The following RALY variants were observed in gnomAD, a reference collection of about 807,000 sequenced individuals.
RALY encodes RNA-binding protein Raly.
In RALY, 15 loss-of-function variants were observed where a neutral mutation model predicts 30.7. That is an observed-to-expected ratio of 0.49 (90% CI 0.33 to 0.75). RALY has a LOEUF of 0.75. Ranked by LOEUF, RALY falls within the 30% of genes least tolerant of loss-of-function variation. The probability of loss-of-function intolerance (pLI) is 0.02; values close to 1 mark genes in which losing one functional copy is unlikely to be tolerated. For missense variants in RALY, 339 were observed against 414.3 expected (o/e 0.82, Z 1.58); for synonymous variants, 177 against 170.8 (o/e 1.04, Z -0.28).
chr20:34,063,823 T>A (rs2033488369), intron 2 of RALY, among the ~76,000 whole-genome samples: 1 of 152,104 alleles, frequency 6.6e-6, no homozygotes, highest in Non-Finnish European at 1.5e-5. Flanking sequence ...GGAATTCCTC[T>A]TAAACACTCT....
intron 1 of RALY, among the ~76,000 whole-genome samples, chr20:34,009,542 C>T (rs774919906): frequency 7.9e-5 from 12 of 151,970 alleles, no homozygotes; most frequent in Non-Finnish European, 1.6e-4. Context: ...CAGCCTCTAC[C>T]AGGGTTGTTA....
chr20:34,053,284 A>G (rs2123182402), intron 2 of RALY, among the ~76,000 whole-genome samples: 1 of 152,102 alleles, frequency 6.6e-6, no homozygotes, highest in South Asian at 2.1e-4. Flanking sequence ...TAAGGTTCAG[A>G]AAAGAGATGG....
At chr20:34,078,661 T>C (rs1379440654) in intron 9 of RALY, 108 bp downstream of exon 9, 1 of 1,027,404 alleles carries the variant, frequency 9.7e-7, no homozygotes, top group Non-Finnish European at 1.3e-6. Context: ...CCTGGCCAAG[T>C]AGCACTGACT....
intron 2 of RALY, among the ~76,000 whole-genome samples, chr20:34,050,799 G>A (rs1168181344): frequency 6.6e-6 from 1 of 152,136 alleles, no homozygotes; most frequent in Non-Finnish European, 1.5e-5. Context: ...ATGGTGAGGA[G>A]TCTAGCCCCA....
chr20:34,068,324 T>C (rs1197020636), intron 2 of RALY, among the ~76,000 whole-genome samples: 3 of 152,146 alleles, frequency 2.0e-5, no homozygotes. Flanking sequence ...CACTCTAAGC[T>C]AGGGGGTACC....
rs909372067 is a variant in RALY, at chr20:34,025,853, C to T, written c.-92-5669C>T. 8.0e-5 allele frequency among the ~76,000 whole-genome samples: 12 copies of T among 150,628 alleles called. No individual in the cohort carries two copies. The East Asian group carries it at 9.8e-4, about 12-fold the overall frequency. The stretch of plus-strand genomic sequence containing the variant: ...CTTCCCATAATTTTCACTCTTCATT[C>T]ACTTCCTGGCTCCTTTCCCTAGCTT... On this transcript the variant is annotated intron_variant, in intron 1 of 9. Coordinates refer to ENST00000246194, the MANE Select transcript of RALY (RefSeq NM_016732.3).
intron 2 of RALY, among the ~76,000 whole-genome samples, chr20:34,052,404 A>G (rs940377421): frequency 1.3e-5 from 2 of 152,170 alleles, no homozygotes; most frequent in African/African-American, 4.8e-5. Context: ...TCTCTAACCA[A>G]GGTCTACAGC....
intron 1 of RALY, among the ~76,000 whole-genome samples, chr20:33,998,123 A>G (rs1196399942): frequency 6.6e-6 from 1 of 152,232 alleles, no homozygotes; most frequent in Non-Finnish European, 1.5e-5. Flanking sequence ...TGAAGAATTA[A>G]TGAGCCTCTG....
chr20:33,994,914 C>T (rs994454350), intron 1 of RALY, among the ~76,000 whole-genome samples: 8 of 152,174 alleles, frequency 5.3e-5, no homozygotes, highest in Non-Finnish European at 1.0e-4. Flanking sequence ...CTGGTTTATC[C>T]TCATTTACAA....
At chr20:33,999,696 A>G (rs1002174503) in intron 1 of RALY, among the ~76,000 whole-genome samples, 1 of 152,190 alleles carries the variant, frequency 6.6e-6, no homozygotes, top group Non-Finnish European at 1.5e-5. Context: ...CTCATGATCC[A>G]GAAGGGCAGA....
intron 2 of RALY, among the ~76,000 whole-genome samples, chr20:34,033,473 G>A (rs1191877503): frequency 1.3e-5 from 2 of 152,144 alleles, no homozygotes; most frequent in African/African-American, 4.8e-5. Flanking sequence ...CACCCAGTGA[G>A]GGCCTTAGGC....
chr20:34,080,228 A>T lies in RALY; in HGVS notation c.*323A>T, dbSNP rs1601521543. 2 of 152,526 alleles carry T rather than the reference A, an allele frequency of 1.3e-5. No homozygotes were observed. The highest frequency in any genetic ancestry group is 2.9e-5 in the Non-Finnish European group (2 of 68,220). 9.4% of individuals were successfully genotyped at this position (152,526 alleles called of 1,614,324 possible). A position where few individuals can be genotyped will look rare whatever the true frequency, so the allele number is the denominator to read the frequency against. ...ATAGGTTTGGCGGGGGGCCACAGGG[A>T]GGGGACCCTGACAATAAAGAGATTG... On this transcript the variant is annotated 3_prime_UTR_variant, in exon 10 of 10. Transcript: ENST00000246194.
At chr20:34,068,079 A>G (rs926295108) in intron 2 of RALY, among the ~76,000 whole-genome samples, 2 of 152,090 alleles carry the variant, frequency 1.3e-5, no homozygotes, top group Non-Finnish European at 2.9e-5. Flanking sequence ...CTCATCTGAC[A>G]TTGCAGAAGT....
intron 1 of RALY, among the ~76,000 whole-genome samples, chr20:34,006,901 T>TA (rs2031184576): frequency 6.6e-6 from 1 of 152,230 alleles, no homozygotes; most frequent in Non-Finnish European, 1.5e-5. Flanking sequence ...TGAGTGTAGT[T>TA]ATCCCCCCCA....
At chr20:34,041,785 C>T (rs2032710640) in intron 2 of RALY, among the ~76,000 whole-genome samples, 1 of 152,084 alleles carries the variant, frequency 6.6e-6, no homozygotes, top group Admixed American at 6.6e-5. Context: ...CATAGTAACC[C>T]TTTTTTTAAA....
In RALY at chr20:34,080,423, T is replaced by A. The variant is rs958506975; in HGVS notation, c.*518T>A. The A allele has an allele frequency of 6.6e-6, 1 of 152,534 alleles. No individual in the cohort carries two copies. Among genetic ancestry groups the A allele is most frequent in the African/African-American group, 2.4e-5 (1 of 41,410 alleles). 9.4% of individuals were successfully genotyped at this position (152,534 alleles called of 1,614,324 possible). ...TGGGGCCACTGGGGAGGGTTGGATA[T>A]GCTGGCCCATGAGCATCTTGCTGGC... is the stretch of plus-strand genomic sequence containing the variant. On this transcript the variant is annotated 3_prime_UTR_variant, in exon 10 of 10. Coordinates refer to ENST00000246194, the MANE Select transcript of RALY (RefSeq NM_016732.3).
chr20:34,037,237 T>A (rs1278689929), intron 2 of RALY, among the ~76,000 whole-genome samples: 3 of 152,184 alleles, frequency 2.0e-5, no homozygotes, highest in South Asian at 2.1e-4. Flanking sequence ...GCTAGACCCA[T>A]AGTGCTCGGC....
At chr20:34,050,782 C>T (rs908945715) in intron 2 of RALY, among the ~76,000 whole-genome samples, 1 of 152,150 alleles carries the variant, frequency 6.6e-6, no homozygotes, top group Non-Finnish European at 1.5e-5. Flanking sequence ...AGCCATGTTC[C>T]AAGATGATGG....
chr20:34,007,319 A>C (rs2031202212), intron 1 of RALY, among the ~76,000 whole-genome samples: 1 of 152,024 alleles, frequency 6.6e-6, no homozygotes, highest in Non-Finnish European at 1.5e-5. Context: ...CAAGAGATCA[A>C]GACCATCCTG....
Sources: allele counts gnomAD v4.1 joint callset (sites outside exome capture counted in the v4.1 genomes callset), GRCh38; gene constraint gnomAD v4.1.1; transcripts MANE v1.5; gene names NCBI Gene and HGNC (gene_info 2026-07-23, HGNC 2026-07-21).